CACNA1C: variants seen among roughly 807,000 people sequenced by gnomAD.
CACNA1C encodes calcium voltage-gated channel subunit alpha1 C, also known as voltage-dependent L-type calcium channel subunit alpha-1C.
In CACNA1C, 30 loss-of-function variants were observed where a neutral mutation model predicts 229.0. The observed-to-expected ratio is 0.13, with a 90% CI of 0.10 to 0.18. The LOEUF (loss-of-function observed/expected upper bound fraction) is 0.18, where lower values mean the gene tolerates loss of function less well. CACNA1C is among the 10% of genes least tolerant of loss of function. CACNA1C has a pLI of 1.00. For missense variants in CACNA1C, 1,658 were observed against 2,845.0 expected, an observed-to-expected ratio of 0.58 and a Z score of 9.49; for synonymous variants, 1,114 against 1,132.5, an observed-to-expected ratio of 0.98 and a Z score of 0.33.
At chr12:2,455,949 A>G (rs1357070521) in intron 4 of CACNA1C, among the ~76,000 whole-genome samples, 1 of 152,108 alleles carries the variant, frequency 6.6e-6, no homozygotes, top group Non-Finnish European at 1.5e-5. Context: ...GTAGTCACAT[A>G]CAATTTGACT....
At chr12:2,469,370 C>T (rs556626288) in intron 5 of CACNA1C, among the ~76,000 whole-genome samples, 2 of 152,266 alleles carry the variant, frequency 1.3e-5, no homozygotes, top group South Asian at 2.1e-4. Context: ...GCCACCAGTC[C>T]GTTTCTTCAT....
chr12:2,232,227 G>GTTTGTTTT (rs2065450533), intron 3 of CACNA1C, among the ~76,000 whole-genome samples: 17 of 73,536 alleles, frequency 2.3e-4, no homozygotes, highest in Admixed American at 3.2e-4. Flanking sequence ...GTCTTTCCTT[G>GTTTGTTTT]TTTTTTTTTT....
chr12:2,237,658 T>G (rs1170185430), intron 3 of CACNA1C, among the ~76,000 whole-genome samples: 2 of 152,194 alleles, frequency 1.3e-5, no homozygotes, highest in Non-Finnish European at 2.9e-5. Flanking sequence ...GGATGGGCCT[T>G]TCTGCTCCCT....
chr12:2,605,093 C>T lies in CACNA1C; in HGVS notation c.2973C>T (p.Ile991=). Residue 991 remains isoleucine, a synonymous_variant, in exon 23 of 47, where the codon ATC becomes ATT. Transcript: ENST00000399655. The surrounding 1 kb of genome is among the most constrained non-coding windows in gnomAD (Gnocchi z 6.2). The part of the protein sequence containing the change: ...LISFGIQSSA[I]NVVKILRVLR... The stretch of plus-strand genomic sequence containing the variant: ...TTCCCTCTCCCAGGTCCAGTGCAAT[C>T]AATGTCGTGAAGATCTTGCGAGTCC... The T allele has an allele frequency of 6.2e-7, 1 of 1,613,636 alleles. No individual in the cohort carries two copies. Among genetic ancestry groups the T allele is most frequent in the South Asian group, 1.1e-5 (1 of 91,046 alleles).
chr12:2,238,722 A>G (rs938779441), intron 3 of CACNA1C, among the ~76,000 whole-genome samples: 2 of 152,176 alleles, frequency 1.3e-5, no homozygotes, highest in African/African-American at 4.8e-5. Flanking sequence ...TTCCCCATCT[A>G]GGTATTTTCT....
intron 3 of CACNA1C, among the ~76,000 whole-genome samples, chr12:2,297,938 A>G (rs2094210813): frequency 6.6e-6 from 1 of 152,188 alleles, no homozygotes; most frequent in Non-Finnish European, 1.5e-5. Context: ...GGAAGAAAAG[A>G]AAACAGCCAG....
At chr12:2,386,723 AC>A in intron 3 of CACNA1C, among the ~76,000 whole-genome samples, 1 of 151,498 alleles carries the variant, frequency 6.6e-6, no homozygotes, top group Admixed American at 6.6e-5. Flanking sequence ...CTCTATCTCC[AC>A]CCCCATTAGA....
intron 1 of CACNA1C, among the ~76,000 whole-genome samples, chr12:1,978,665 A>G (rs2035157747): frequency 6.6e-6 from 1 of 152,140 alleles, no homozygotes; most frequent in Non-Finnish European, 1.5e-5. Flanking sequence ...TTTTCCAGTC[A>G]ACAACCACAC....
intron 1 of CACNA1C, among the ~76,000 whole-genome samples, chr12:2,030,488 T>G (rs1004088015): frequency 6.6e-6 from 1 of 152,166 alleles, no homozygotes; most frequent in Non-Finnish European, 1.5e-5. Flanking sequence ...TGGTTTGTCT[T>G]TATTTGGGCT....
rs772214847 is a variant in CACNA1C, at chr12:2,651,711, G to A, written c.4017G>A (p.Leu1339=). The A allele has an allele frequency of 3.1e-6, 5 of 1,613,886 alleles. No homozygotes were observed. In the South Asian group the frequency reaches 4.4e-5, roughly 14 times the overall value. Residue 1339 remains leucine (L), a synonymous_variant, in exon 32 of 47, where the codon CTG becomes CTA. Transcript: ENST00000399655. This position sits in a 1 kb window ranked among gnomAD's most constrained non-coding sequence, Gnocchi z 5.4. ...TCCGGGTCATGCGTCTGGTGAAGCT[G>A]CTGAGCCGTGGGGAGGGCATCCGGA... The part of the protein sequence containing the change: ...RLFRVMRLVK[L]LSRGEGIRTL...
chr12:2,198,912 A>G (rs2097502481), intron 3 of CACNA1C, among the ~76,000 whole-genome samples: 1 of 152,116 alleles, frequency 6.6e-6, no homozygotes, highest in Non-Finnish European at 1.5e-5. Context: ...TTATCGACAG[A>G]TCTTTTAAGA....
Position 2,493,059 on chromosome 12 carries a change from G to A in CACNA1C, c.917-131G>A, listed in dbSNP as rs183705174. The A allele has an allele frequency of 6.8e-4, 462 of 677,320 alleles. 1 individual carries two copies. The East Asian group carries it at 0.012, about 18-fold the overall frequency. 42.0% of individuals were successfully genotyped at this position (677,320 alleles called of 1,614,324 possible). Reference sequence around the variant, plus strand: ...GGGACCTGATTTAAACATGTCTTGCGCTGTTGTTGCCATGGTTGCTTTGCC... The same window carrying A: ...GGGACCTGATTTAAACATGTCTTGCACTGTTGTTGCCATGGTTGCTTTGCC... On this transcript the variant is annotated intron_variant, in intron 6 of 46. Coordinates refer to ENST00000399655, the MANE Select transcript of CACNA1C (RefSeq NM_000719.7). This position sits in a 1 kb window ranked among gnomAD's most constrained non-coding sequence, Gnocchi z 4.6.
chr12:2,565,496 A>C (rs2050321334), intron 11 of CACNA1C, among the ~76,000 whole-genome samples: 3 of 136,928 alleles, frequency 2.2e-5, no homozygotes, highest in Non-Finnish European at 4.8e-5. Flanking sequence ...AAAAAAAAAA[A>C]TACCCAACCC....
rs113840643 is a variant in CACNA1C at position 2,383,009 on chromosome 12, C to T, written c.478-65967C>T. ...ACTTGTAGGTAAGAGAGGCAGTGTT[C>T]CCTAATGCACTCTAGATCAGCTGGA... On this transcript the variant is annotated intron_variant, in intron 3 of 46. Coordinates refer to ENST00000399655, the MANE Select transcript of CACNA1C (RefSeq NM_000719.7). 4.3e-3 allele frequency among the ~76,000 whole-genome samples: 661 copies of T among 152,244 alleles called. 7 individuals carry two copies. Among genetic ancestry groups the T allele is most frequent in the African/African-American group, 0.015 (637 of 41,520 alleles).
chr12:2,302,195 A>C (rs149585758), intron 3 of CACNA1C, among the ~76,000 whole-genome samples: 2 of 152,182 alleles, frequency 1.3e-5, no homozygotes, highest in Non-Finnish European at 2.9e-5. Context: ...TCCTAGCCTG[A>C]GGCCTCATTC....
At chr12:1,974,584 C>A (rs1425068855) in intron 1 of CACNA1C, among the ~76,000 whole-genome samples, 1 of 152,124 alleles carries the variant, frequency 6.6e-6, no homozygotes, top group Non-Finnish European at 1.5e-5. Context: ...AACAATTCTG[C>A]AAAATCACAT....
intron 5 of CACNA1C, among the ~76,000 whole-genome samples, chr12:2,472,540 GT>G (rs1473930144): frequency 6.6e-6 from 1 of 151,568 alleles, no homozygotes; most frequent in Non-Finnish European, 1.5e-5. Flanking sequence ...CCTTTAATCA[GT>G]TTTTCTTCCA....
chr12:2,004,716 A>G (rs570259086), intron 1 of CACNA1C: 1 of 453,258 alleles, frequency 2.2e-6, no homozygotes, highest in Non-Finnish European at 4.0e-6. Context: ...TACGCGCTCG[A>G]GCCTTTGAGC....
At chr12:2,628,922 CT>C (rs1208586295) in intron 29 of CACNA1C, among the ~76,000 whole-genome samples, 2 of 152,156 alleles carry the variant, frequency 1.3e-5, no homozygotes, top group Non-Finnish European at 2.9e-5. Context: ...CATCCTCTGT[CT>C]GGAACATTCA....
Sources: allele counts gnomAD v4.1 joint callset (sites outside exome capture counted in the v4.1 genomes callset), GRCh38; gene constraint gnomAD v4.1.1; non-coding constraint Gnocchi (gnomAD v3.1); transcripts MANE v1.5; gene names NCBI Gene and HGNC (gene_info 2026-07-23, HGNC 2026-07-21).